NIT1: variants seen among roughly 807,000 people sequenced by gnomAD.
NIT1 encodes nitrilase 1.
In NIT1, 30 loss-of-function variants were observed where a neutral mutation model predicts 36.8. The ratio of observed to expected loss-of-function variants is 0.82; its 90% CI spans 0.61 to 1.11. The LOEUF (loss-of-function observed/expected upper bound fraction) is 1.11. NIT1 is among the 50% of genes least tolerant of loss of function. The pLI, the probability that NIT1 is intolerant of heterozygous loss-of-function variation, is 0.00. For synonymous variants in NIT1, 151 were observed against 155.6 expected (o/e 0.97, Z 0.22); for missense variants, 438 against 410.6 (o/e 1.07, Z -0.58).
chr1:161,122,213 G>T, downstream of NIT1: 1 of 1,614,194 alleles, frequency 6.2e-7, no homozygotes, highest in South Asian at 1.1e-5. This position sits in a 1 kb window ranked among gnomAD's most constrained non-coding sequence, Gnocchi z 4.2. Flanking sequence ...AGTCCTCCTC[G>T]TCTACATTTA....
rs764377826 is a variant in NIT1 at position 161,119,333 on chromosome 1, C to T, written c.298C>T (p.His100Tyr). The change falls in exon 3 of 7, where the codon CAC becomes TAC. Residue 100 changes from histidine to tyrosine, a missense_variant. His to Tyr is a moderately conservative substitution (Grantham distance 83). Transcript: ENST00000368009. ...FIARDPAETLHLSEPLGGKLL... is the reference protein window; with the variant it reads ...FIARDPAETLYLSEPLGGKLL... Reference sequence around the variant, plus strand: ...TGCACGGGACCCTGCAGAGACGCTACACCTGTCTGAACCACTGGGTGGGAA... The same window carrying T: ...TGCACGGGACCCTGCAGAGACGCTATACCTGTCTGAACCACTGGGTGGGAA... 9 of 1,614,112 alleles carry T rather than the reference C, an allele frequency of 5.6e-6. No homozygotes were observed. In the Admixed American group the frequency reaches 1.3e-4, roughly 24 times the overall value.
At chr1:161,124,059 C>G (rs1279743266), downstream of NIT1, 8 of 1,577,964 alleles carry the variant, frequency 5.1e-6, no homozygotes, top group Non-Finnish European at 6.9e-6. Context: ...TCAATGTGTC[C>G]TCCCCTTTGG....
At position 161,120,797 on chromosome 1, in the gene NIT1, TCCCACC is replaced by T; in HGVS notation, c.*40_*45del. 2 of 1,232,976 alleles carry T rather than the reference TCCCACC, an allele frequency of 1.6e-6. No homozygotes were observed. Among genetic ancestry groups the T allele is most frequent in the South Asian group, 1.2e-5 (1 of 81,296 alleles). The allele number at this position is 1,232,976 out of a possible 1,614,324, so 76.4% of individuals were successfully genotyped here. A position where few individuals can be genotyped will look rare whatever the true frequency, so the allele number is the denominator to read the frequency against. Reference sequence around the variant, plus strand: ...ACTTCTGTGAGTTTAGACCTGCCCCTCCCACCCCCACCCTGCCACTATGAGCTAGTG... The same window carrying T: ...ACTTCTGTGAGTTTAGACCTGCCCCTCCCACCCTGCCACTATGAGCTAGTG... On this transcript the variant is annotated 3_prime_UTR_variant, in exon 7 of 7. Transcript: ENST00000368009.
chr1:161,124,183 G>A (rs200035776), downstream of NIT1: 6 of 1,614,024 alleles, frequency 3.7e-6, no homozygotes, highest in Admixed American at 5.0e-5. Flanking sequence ...AGGTCGTGGC[G>A]AGTGATGATG....
chr1:161,118,333 T>G (rs1655054118), intron 1 of NIT1, 155 bp downstream of exon 1: 6 of 1,525,704 alleles, frequency 3.9e-6, no homozygotes, highest in Non-Finnish European at 5.3e-6. Context: ...GCTTGGGGCC[T>G]GGGTTCCTTT....
chr1:161,120,968 A>G lies in NIT1; in HGVS notation c.*203A>G, dbSNP rs1018326895. 8.5e-6 allele frequency: 12 copies of G among 1,418,574 alleles called. No homozygotes were observed. The highest frequency in any genetic ancestry group is 1.1e-5 in the Non-Finnish European group (12 of 1,090,226). 87.9% of individuals were successfully genotyped at this position (1,418,574 alleles called of 1,614,324 possible). ...CCTGAGGTCAGACTGCAGTTTCAGA[A>G]AGGTGGAATTTTATATAGTCATTGT... On this transcript the variant is annotated 3_prime_UTR_variant, in exon 7 of 7. Transcript: ENST00000368009.
chr1:161,123,645 A>C (rs1006123665), downstream of NIT1, among the ~76,000 whole-genome samples: 3 of 151,786 alleles, frequency 2.0e-5, no homozygotes, highest in Non-Finnish European at 4.4e-5. Context: ...CAAAAAAAAA[A>C]AAAAAAAAGA....
downstream of NIT1, chr1:161,122,902 G>T: frequency 8.2e-7 from 1 of 1,222,184 alleles, no homozygotes; most frequent in Non-Finnish European, 1.2e-6. This position sits in a 1 kb window ranked among gnomAD's most constrained non-coding sequence, Gnocchi z 4.2. Context: ...AATGTACCCT[G>T]CCACAATCAT....
downstream of NIT1, chr1:161,124,879 T>TCAC (rs1655990715): frequency 1.2e-5 from 2 of 162,612 alleles, no homozygotes; most frequent in East Asian, 3.6e-4. Flanking sequence ...GAGGAAGGCT[T>TCAC]GAGGCCAGGA....
chr1:161,119,256 C>T lies in NIT1; in HGVS notation c.221C>T (p.Ala74Val). The T allele has an allele frequency of 1.2e-6, 2 of 1,614,226 alleles. No individual in the cohort carries two copies. Among genetic ancestry groups the T allele is most frequent in the South Asian group, 1.1e-5 (1 of 91,084 alleles). The change falls in exon 3 of 7, where the codon GCT becomes GTT. Residue 74 changes from alanine (A) to valine (V), a missense_variant. Transcript: ENST00000368009. The part of the protein sequence containing the change: ...FKTCAELVRE[A>V]ARLGACLAFL... Reference sequence around the variant, plus strand: ...ACATGTGCTGAGCTGGTTCGAGAGGCTGCCAGACTGGGTGCCTGCCTGGCT... The same window carrying T: ...ACATGTGCTGAGCTGGTTCGAGAGGTTGCCAGACTGGGTGCCTGCCTGGCT...
downstream of NIT1, chr1:161,122,114 G>A (rs755972537): frequency 6.2e-7 from 1 of 1,606,268 alleles, no homozygotes; most frequent in South Asian, 1.1e-5. This position sits in a 1 kb window ranked among gnomAD's most constrained non-coding sequence, Gnocchi z 4.2. Flanking sequence ...GTGGGTGATG[G>A]GAACAGTCCC....
downstream of NIT1, among the ~76,000 whole-genome samples, chr1:161,123,397 T>C (rs988991478): frequency 6.6e-6 from 1 of 152,116 alleles, no homozygotes; most frequent in South Asian, 2.1e-4. Context: ...CCCAGCACTT[T>C]GGGAGGCCAA....
downstream of NIT1, chr1:161,123,705 T>C: frequency 2.7e-6 from 2 of 745,886 alleles, no homozygotes; most frequent in South Asian, 1.9e-5. Context: ...TCACCTCGCC[T>C]GATTTTTTTT....
rs1191569136 is a variant in NIT1, at chr1:161,121,098, A to T, written c.*333A>T. 8.7e-7 allele frequency: 1 copy of T among 1,155,354 alleles called. No individual in the cohort carries two copies. The highest frequency in any genetic ancestry group is 1.1e-6 in the Non-Finnish European group (1 of 929,976). 71.6% of individuals were successfully genotyped at this position (1,155,354 alleles called of 1,614,324 possible). On this transcript the variant is annotated 3_prime_UTR_variant, in exon 7 of 7. Coordinates refer to ENST00000368009, the MANE Select transcript of NIT1 (RefSeq NM_005600.3). ...CTGGACATCGCCTTTGGGAACTAGA[A>T]GGGGAGTTGGTATTGTACCAGCTGG... is the stretch of plus-strand genomic sequence containing the variant.
chr1:161,123,161 C>T (rs370630271), downstream of NIT1: 17 of 1,614,062 alleles, frequency 1.1e-5, no homozygotes, highest in South Asian at 7.7e-5. Flanking sequence ...TCGGGCTGGC[C>T]GCTTGCTACA....
chr1:161,119,490 C>A lies in NIT1; in HGVS notation c.354-19C>A. On this transcript the variant is annotated intron_variant, in intron 3 of 6. Coordinates refer to ENST00000368009, the MANE Select transcript of NIT1 (RefSeq NM_005600.3). ...CCTTGAGAAGTCAGTGAAGAGTTGT[C>A]AGTGTCCCTTCCCCCCAGGGAATGT... The A allele has an allele frequency of 6.2e-7, 1 of 1,613,594 alleles. No individual in the cohort carries two copies. The highest frequency in any genetic ancestry group is 1.1e-5 in the South Asian group (1 of 91,048).
At chr1:161,122,004 CTTTCT>C (rs1015126193), downstream of NIT1, 11 of 1,168,550 alleles carry the variant, frequency 9.4e-6, no homozygotes, top group African/African-American at 1.6e-5. The surrounding 1 kb of genome is among the most constrained non-coding windows in gnomAD (Gnocchi z 4.2). Flanking sequence ...ACCACTTCCA[CTTTCT>C]TTTGTCTTTT....
chr1:161,124,062 C>T (rs890032153), downstream of NIT1: 20 of 1,577,772 alleles, frequency 1.3e-5, no homozygotes, highest in Non-Finnish European at 1.6e-5. Flanking sequence ...ATGTGTCCTC[C>T]CCTTTGGACG....
chr1:161,123,603 T>C (rs1571221132), downstream of NIT1, among the ~76,000 whole-genome samples: 1 of 138,154 alleles, frequency 7.2e-6, no homozygotes, highest in Non-Finnish European at 1.5e-5. Context: ...GCCACTGCAC[T>C]CCAGCCTGGG....
Sources: allele counts gnomAD v4.1 joint callset (sites outside exome capture counted in the v4.1 genomes callset), GRCh38; gene constraint gnomAD v4.1.1; non-coding constraint Gnocchi (gnomAD v3.1); transcripts MANE v1.5; gene names NCBI Gene and HGNC (gene_info 2026-07-23, HGNC 2026-07-21).